RYR3: variants seen among roughly 807,000 people sequenced by gnomAD.
The protein encoded by RYR3 is ryanodine receptor 3.
Under a neutral mutation model 584.3 loss-of-function variants are expected in RYR3, and 207 were observed. The observed-to-expected ratio is 0.35, with a 90% CI of 0.32 to 0.40. The LOEUF is 0.40. Among genes scored for constraint, RYR3 ranks in the 10% least tolerant of loss-of-function variants. RYR3 has a pLI of 1.00. For missense variants in RYR3, 5,616 were observed against 6,089.2 expected (o/e 0.92, Z 2.59); for synonymous variants, 2,416 against 2,248.5 (o/e 1.07, Z -2.11).
intron 1 of RYR3, among the ~76,000 whole-genome samples, chr15:33,415,636 G>C (rs537536565): frequency 6.6e-6 from 1 of 152,282 alleles, no homozygotes; most frequent in African/African-American, 2.4e-5. Flanking sequence ...GTGGGCAAAG[G>C]CTTCAGAGAG....
chr15:33,670,407 G>A lies in RYR3; in HGVS notation c.5723-12G>A, dbSNP rs1283362864. On this transcript the variant is annotated splice_polypyrimidine_tract_variant and intron_variant, in intron 37 of 103. Transcript: ENST00000634891. The stretch of plus-strand genomic sequence containing the variant: ...CTGCTTTGGATTTTCACCCTGTTCT[G>A]TGGCTTGCTAGGGGTTCCTTTGGAA... 6.2e-7 allele frequency: 1 copy of A among 1,612,502 alleles called. No individual in the cohort carries two copies. The highest frequency in any genetic ancestry group is 1.1e-5 in the South Asian group (1 of 90,954).
chr15:33,434,746 T>C (rs1352026662), intron 1 of RYR3, among the ~76,000 whole-genome samples: 1 of 152,160 alleles, frequency 6.6e-6, no homozygotes, highest in Non-Finnish European at 1.5e-5. Flanking sequence ...GAATGTGTCA[T>C]TCTCTTCTCT....
intron 1 of RYR3, among the ~76,000 whole-genome samples, chr15:33,429,426 A>G (rs2044928857): frequency 6.6e-6 from 1 of 152,220 alleles, no homozygotes. Flanking sequence ...AGATTTTAAA[A>G]TCTGAGATAA....
chr15:33,508,716 A>C (rs1298057142), intron 3 of RYR3, among the ~76,000 whole-genome samples: 2 of 152,078 alleles, frequency 1.3e-5, no homozygotes, highest in Non-Finnish European at 1.5e-5. Flanking sequence ...TTCTGCAAGA[A>C]CCTTTATAAC....
chr15:33,841,620 T>C (rs2078369796), intron 90 of RYR3, among the ~76,000 whole-genome samples: 2 of 152,238 alleles, frequency 1.3e-5, no homozygotes, highest in Non-Finnish European at 2.9e-5. Context: ...TTGTTAAGTC[T>C]AATTTCAGAA....
At chr15:33,354,524 TG>T (rs2140955300) in intron 1 of RYR3, among the ~76,000 whole-genome samples, 1 of 152,334 alleles carries the variant, frequency 6.6e-6, no homozygotes, top group African/African-American at 2.4e-5. Flanking sequence ...AACTGCTAAG[TG>T]TCAAGTATCA....
chr15:33,690,724 C>T (rs2065357987), intron 38 of RYR3, among the ~76,000 whole-genome samples: 1 of 152,160 alleles, frequency 6.6e-6, no homozygotes, highest in Admixed American at 6.5e-5. Flanking sequence ...GTTCTCAAAC[C>T]CTTTGGTCTT....
intron 1 of RYR3, among the ~76,000 whole-genome samples, chr15:33,376,799 A>AGG (rs1399685556): frequency 6.6e-6 from 1 of 152,190 alleles, no homozygotes; most frequent in Non-Finnish European, 1.5e-5. Context: ...ATTTTCGTAT[A>AGG]TGGAATGAGT....
chr15:33,471,197 C>A (rs570444735), intron 1 of RYR3, among the ~76,000 whole-genome samples: 97 of 152,236 alleles, frequency 6.4e-4, no homozygotes, highest in Middle Eastern at 3.4e-3. Context: ...GTGTCTGCAG[C>A]CAGGTCAGCA....
At chr15:33,543,825 T>TGGAC in intron 8 of RYR3, 110 bp downstream of exon 8, 2 of 769,674 alleles carry the variant, frequency 2.6e-6, no homozygotes, top group Non-Finnish European at 4.5e-6. Flanking sequence ...TGTCAGTCCA[T>TGGAC]TGACAAACCT....
chr15:33,832,761 G>A (rs919835892), intron 86 of RYR3, among the ~76,000 whole-genome samples: 2 of 151,632 alleles, frequency 1.3e-5, no homozygotes, highest in African/African-American at 4.8e-5. Context: ...TGTAATCCCA[G>A]CACTTTGGGA....
rs182202118 is a variant in RYR3 at position 33,428,717 on chromosome 15, G to A, written c.52-44702G>A. On this transcript the variant is annotated intron_variant, in intron 1 of 103. Transcript: ENST00000634891. ...CATTCACATAGTCAGACCCAATTAA[G>A]TTAGAGGATTTTTTTTTCCGTGACT... 2.1e-3 allele frequency among the ~76,000 whole-genome samples: 266 copies of A among 124,158 alleles called. 1 individual carries two copies. The highest frequency in any genetic ancestry group is 7.6e-3 in the African/African-American group (254 of 33,584). 81.5% of individuals were successfully genotyped at this position (124,158 alleles called of 152,430 possible). A position where few individuals can be genotyped will look rare whatever the true frequency, so the allele number is the denominator to read the frequency against.
At chr15:33,532,238 T>C (rs1836988358) in intron 4 of RYR3, among the ~76,000 whole-genome samples, 1 of 152,208 alleles carries the variant, frequency 6.6e-6, no homozygotes, top group Admixed American at 6.5e-5. Context: ...AAGGAGGCCA[T>C]GGGATGCTTT....
chr15:33,863,688 G>C (rs1889362410), intron 102 of RYR3, among the ~76,000 whole-genome samples: 1 of 152,210 alleles, frequency 6.6e-6, no homozygotes, highest in South Asian at 2.1e-4. Flanking sequence ...GAATCTCCAT[G>C]AGATTAAATA....
chr15:33,859,695 T>A lies in RYR3; in HGVS notation c.14263T>A (p.Phe4755Ile). Reference protein sequence around the residue: ...YRIVFDITFFFFVIVILLAII... With the variant: ...YRIVFDITFFIFVIVILLAII... ...CATTGTCTTTGACATTACCTTTTTC[T>A]TCTTCGTCATTGTCATCTTGCTGGC... The change falls in exon 100 of 104, where the codon TTC becomes ATC. Residue 4755 changes from phenylalanine (F) to isoleucine (I), a missense_variant. Transcript: ENST00000634891. The A allele has an allele frequency of 6.2e-7, 1 of 1,612,776 alleles. No homozygotes were observed. Among genetic ancestry groups the A allele is most frequent in the African/African-American group, 1.3e-5 (1 of 75,052 alleles).
At position 33,414,753 on chromosome 15, in the gene RYR3, C is replaced by T. The variant is rs138970828; in HGVS notation, c.52-58666C>T. On this transcript the variant is annotated intron_variant, in intron 1 of 103. Transcript: ENST00000634891. ...CCAAGTAGCTGGGACTATAGGCACC[C>T]GCTAATTTTTTTGTATTTTTAGTAG... Among the ~76,000 whole-genome samples, 1,404 of 152,178 alleles carry T rather than the reference C, an allele frequency of 9.2e-3. 17 individuals carry two copies. The highest frequency in any genetic ancestry group is 0.025 in the African/African-American group (1,045 of 41,536).
intron 24 of RYR3, 106 bp downstream of exon 24, chr15:33,633,214 C>A: frequency 1.8e-6 from 2 of 1,116,810 alleles, no homozygotes; most frequent in Non-Finnish European, 2.6e-6. Context: ...TTTGCCTTTG[C>A]ACTCTATCCC....
chr15:33,346,774 G>A (rs74368065), intron 1 of RYR3, among the ~76,000 whole-genome samples: 15,572 of 152,116 alleles, frequency 0.1, 842 homozygotes, highest in Middle Eastern at 0.17. Context: ...TGCTTTATTT[G>A]TAAAGGCCCT....
intron 67 of RYR3, among the ~76,000 whole-genome samples, chr15:33,795,722 G>A (rs1321493012): frequency 6.6e-6 from 1 of 151,950 alleles, no homozygotes; most frequent in Non-Finnish European, 1.5e-5. Flanking sequence ...GTAGAGACAG[G>A]GTTTCACCAT....
Sources: allele counts gnomAD v4.1 joint callset (sites outside exome capture counted in the v4.1 genomes callset), GRCh38; gene constraint gnomAD v4.1.1; transcripts MANE v1.5; gene names NCBI Gene and HGNC (gene_info 2026-07-23, HGNC 2026-07-21).